ADGRB1: variants seen among roughly 807,000 people sequenced by gnomAD.
The protein encoded by ADGRB1 is brain-specific angiogenesis inhibitor 1.
In ADGRB1, 36 loss-of-function variants were observed where a neutral mutation model predicts 175.7. The observed-to-expected ratio is 0.20, with a 90% confidence interval of 0.16 to 0.27. The LOEUF (loss-of-function observed/expected upper bound fraction) is 0.27, where lower values mean the gene tolerates loss of function less well. Among genes scored for constraint, ADGRB1 ranks in the 10% least tolerant of loss-of-function variants. The pLI is 1.00. For synonymous variants in ADGRB1, 1,054 were observed against 979.4 expected, an observed-to-expected ratio of 1.08 and a Z score of -1.42; for missense variants, 1,731 against 2,255.3, an observed-to-expected ratio of 0.77 and a Z score of 4.71.
intron 24 of ADGRB1, among the ~76,000 whole-genome samples, chr8:142,526,835 G>A (rs1040238096): frequency 6.6e-6 from 1 of 152,242 alleles, no homozygotes; most frequent in Non-Finnish European, 1.5e-5. Context: ...TTCTCCATCT[G>A]ACCTGGACAG....
chr8:142,521,451 G>A (rs936060659), intron 20 of ADGRB1, among the ~76,000 whole-genome samples: 1 of 152,234 alleles, frequency 6.6e-6, no homozygotes, highest in African/African-American at 2.4e-5. Flanking sequence ...TTGGCTGGGG[G>A]CCTCTGCTTC....
chr8:142,536,198 G>T (rs1002764555), intron 25 of ADGRB1, among the ~76,000 whole-genome samples: 1 of 150,066 alleles, frequency 6.7e-6, no homozygotes, highest in African/African-American at 2.5e-5. Flanking sequence ...GAAGCCCTCT[G>T]TGCTTTCATG....
At chr8:142,465,656 G>GAC (rs897831362) in intron 2 of ADGRB1, among the ~76,000 whole-genome samples, 1 of 152,186 alleles carries the variant, frequency 6.6e-6, no homozygotes, top group African/African-American at 2.4e-5. Context: ...TAAGCACGAA[G>GAC]ACACGAGCAG....
At chr8:142,469,956 C>T (rs1183231156) in intron 2 of ADGRB1, among the ~76,000 whole-genome samples, 2 of 152,202 alleles carry the variant, frequency 1.3e-5, no homozygotes, top group Non-Finnish European at 2.9e-5. Flanking sequence ...GACACTGGGA[C>T]AGGCTTGTCC....
chr8:142,461,496 C>T (rs1244006178), intron 1 of ADGRB1, among the ~76,000 whole-genome samples: 1 of 152,246 alleles, frequency 6.6e-6, no homozygotes, highest in African/African-American at 2.4e-5. Context: ...TCCAGGCTGC[C>T]AGGCTGTACC....
At chr8:142,467,303 A>T (rs2131698493) in intron 2 of ADGRB1, among the ~76,000 whole-genome samples, 1 of 152,320 alleles carries the variant, frequency 6.6e-6, no homozygotes, top group Middle Eastern at 3.4e-3. Flanking sequence ...CCCTGAGGGG[A>T]AGCCTGGGAC....
At chr8:142,521,820 T>C in intron 20 of ADGRB1, 145 bp from the exon 21 acceptor site, 5 of 881,884 alleles carry the variant, frequency 5.7e-6, no homozygotes, top group Middle Eastern at 3.5e-4. Flanking sequence ...AGGTGATCTC[T>C]GGATTGCCTT....
intron 2 of ADGRB1, among the ~76,000 whole-genome samples, 181 bp downstream of exon 2, chr8:142,465,163 C>T (rs954492813): frequency 7.9e-5 from 12 of 152,256 alleles, no homozygotes; most frequent in Middle Eastern, 6.8e-3. Context: ...CTGCTAGCAC[C>T]GCTGTCTGGA....
rs114689383 is a variant in ADGRB1 at position 142,533,519 on chromosome 8, C to T, written c.3570+53C>T. 1.0e-3 allele frequency: 1,552 copies of T among 1,516,702 alleles called. 13 individuals are homozygous for T. In the African/African-American group the frequency reaches 0.019, roughly 19 times the overall value. 94.0% of individuals were successfully genotyped at this position (1,516,702 alleles called of 1,614,324 possible). Reference sequence around the variant, plus strand: ...GGCTCCTGCGGGGTCCTGGGGCTGCCGAGTGGCCTCCTCCTTCCCCGAGGA... The same window carrying T: ...GGCTCCTGCGGGGTCCTGGGGCTGCTGAGTGGCCTCCTCCTTCCCCGAGGA... On this transcript the variant is annotated intron_variant, in intron 25 of 30. Coordinates refer to ENST00000517894, the MANE Select transcript of ADGRB1 (RefSeq NM_001702.3).
intron 2 of ADGRB1, among the ~76,000 whole-genome samples, chr8:142,470,240 C>T (rs1840584646): frequency 6.6e-6 from 1 of 152,228 alleles, no homozygotes; most frequent in African/African-American, 2.4e-5. Flanking sequence ...CCACTGCCTC[C>T]CTTTGCATTT....
chr8:142,522,302 A>C (rs1188569601), intron 21 of ADGRB1, among the ~76,000 whole-genome samples, 187 bp downstream of exon 21: 1 of 152,082 alleles, frequency 6.6e-6, no homozygotes, highest in Non-Finnish European at 1.5e-5. Flanking sequence ...CAGGACACCC[A>C]GTTCTCTTTC....
chr8:142,494,212 A>G (rs1461589590), intron 17 of ADGRB1, among the ~76,000 whole-genome samples: 1 of 152,132 alleles, frequency 6.6e-6, no homozygotes, highest in Non-Finnish European at 1.5e-5. Flanking sequence ...ACTCAGACTG[A>G]GTTTTTACCC....
At position 142,479,675 on chromosome 8, in the gene ADGRB1, T is replaced by C. The variant is rs1212278210; in HGVS notation, c.1727-18T>C. On this transcript the variant is annotated intron_variant, in intron 8 of 30. Transcript: ENST00000517894. ...CTCAGTACCCCTTCCTGAACCCCTG[T>C]CCCGGGCCCCTTGGCAGAGCCCCAT... The C allele has an allele frequency of 6.2e-7, 1 of 1,609,658 alleles. No homozygotes were observed. The highest frequency in any genetic ancestry group is 2.2e-5 in the East Asian group (1 of 44,804).
intron 7 of ADGRB1, 119 bp downstream of exon 7, chr8:142,478,479 A>T: frequency 2.3e-5 from 25 of 1,072,510 alleles, no homozygotes; most frequent in East Asian, 1.1e-4. Context: ...CTGAGGAGGG[A>T]GTGGGGTGCA....
At position 142,464,686 on chromosome 8, in the gene ADGRB1, C is replaced by A; in HGVS notation, c.488C>A (p.Pro163Gln). Reference protein sequence around the residue: ...HDGLRPRAGPPGPTDDFSVEY... With the variant: ...HDGLRPRAGPQGPTDDFSVEY... ...GGGCTCCGGCCCCGGGCCGGGCCGC[C>A]GGGCCCCACCGACGACTTCTCCGTG... Residue 163 changes from proline (P) to glutamine (Q), a missense_variant, in exon 2 of 31, where the codon CCG (proline) becomes CAG (glutamine). Coordinates refer to ENST00000517894, the MANE Select transcript of ADGRB1 (RefSeq NM_001702.3). 6.6e-7 allele frequency: 1 copy of A among 1,526,582 alleles called. No homozygotes were observed. Among genetic ancestry groups the A allele is most frequent in the Non-Finnish European group, 8.8e-7 (1 of 1,142,490 alleles). The allele number at this position is 1,526,582 out of a possible 1,614,324, so 94.6% of individuals were successfully genotyped here. A position where few individuals can be genotyped will look rare whatever the true frequency, so the allele number is the denominator to read the frequency against.
At position 142,510,424 on chromosome 8, in the gene ADGRB1, C is replaced by T. The variant is rs1843024697; in HGVS notation, c.2676-508C>T. On this transcript the variant is annotated intron_variant, in intron 17 of 30. Coordinates refer to ENST00000517894, the MANE Select transcript of ADGRB1 (RefSeq NM_001702.3). This position sits in a 1 kb window ranked among gnomAD's most constrained non-coding sequence, Gnocchi z 6.3. ...GTCAGCTCCAGCCGGCGCCCTGGGCCGCGGGGCCGGAGAGCTCCGGAGCGG... is the reference window on the plus strand; with the variant it reads ...GTCAGCTCCAGCCGGCGCCCTGGGCTGCGGGGCCGGAGAGCTCCGGAGCGG... 1.3e-5 allele frequency among the ~76,000 whole-genome samples: 2 copies of T among 151,906 alleles called. No individual in the cohort carries two copies. Among genetic ancestry groups the T allele is most frequent in the African/African-American group, 2.4e-5 (1 of 41,410 alleles).
chr8:142,490,444 G>C (rs1431683524), intron 16 of ADGRB1, among the ~76,000 whole-genome samples: 1 of 152,180 alleles, frequency 6.6e-6, no homozygotes, highest in Non-Finnish European at 1.5e-5. Flanking sequence ...TAGGCCCCGG[G>C]GGAAGGGTCT....
intron 17 of ADGRB1, among the ~76,000 whole-genome samples, chr8:142,498,032 C>G (rs1842304448): frequency 6.6e-6 from 1 of 152,180 alleles, no homozygotes; most frequent in Non-Finnish European, 1.5e-5. Context: ...GGCCTCTCAG[C>G]TGCCCTTACC....
Position 142,464,759 on chromosome 8 carries a change from G to A in ADGRB1, c.561G>A (p.Gln187=). The A allele has an allele frequency of 6.5e-7, 1 of 1,535,046 alleles. No homozygotes were observed. Among genetic ancestry groups the A allele is most frequent in the South Asian group, 1.2e-5 (1 of 83,974 alleles). Residue 187 remains glutamine (Q), a synonymous_variant, in exon 2 of 31, where the codon CAG becomes CAA. Transcript: ENST00000517894. ...GNRNPSRAAC[Q]MLCRWLDACL... ...GCAACCCCAGCCGTGCCGCCTGCCA[G>A]ATGCTGTGCCGCTGGCTGGACGCGT...
Sources: allele counts gnomAD v4.1 joint callset (sites outside exome capture counted in the v4.1 genomes callset), GRCh38; gene constraint gnomAD v4.1.1; non-coding constraint Gnocchi (gnomAD v3.1); transcripts MANE v1.5; gene names NCBI Gene and HGNC (gene_info 2026-07-23, HGNC 2026-07-21).